RANGAP1: variants seen among roughly 807,000 people sequenced by gnomAD.
The protein encoded by RANGAP1 is ran GTPase-activating protein 1.
Under a neutral mutation model 63.5 loss-of-function variants are expected in RANGAP1, and 38 were observed. The observed-to-expected ratio is 0.60, with a 90% CI of 0.46 to 0.78. The LOEUF (loss-of-function observed/expected upper bound fraction) is 0.78, where lower values mean the gene tolerates loss of function less well. Among genes scored for constraint, RANGAP1 ranks in the 30% least tolerant of loss-of-function variants. The pLI, the probability that RANGAP1 is intolerant of heterozygous loss-of-function variation, is 0.00. For missense variants in RANGAP1, 630 were observed against 740.3 expected, an observed-to-expected ratio of 0.85 and a Z score of 1.73; for synonymous variants, 329 against 310.5, an observed-to-expected ratio of 1.06 and a Z score of -0.63.
At chr22:41,298,293 G>A in the RANGAP1 span, among the ~76,000 whole-genome samples, 3 of 152,090 alleles carry the variant, frequency 2.0e-5, no homozygotes, top group South Asian at 2.1e-4. Flanking sequence ...GAGCCACAGC[G>A]CCTGGCCACA....
chr22:41,265,979 G>T (rs2034444608), intron 4 of RANGAP1, among the ~76,000 whole-genome samples: 1 of 152,098 alleles, frequency 6.6e-6, no homozygotes, highest in South Asian at 2.1e-4. Flanking sequence ...AAGGTGGGCG[G>T]ATCACGAGGT....
chr22:41,278,625 T>C (rs1173434381), intron 2 of RANGAP1, among the ~76,000 whole-genome samples: 3 of 152,270 alleles, frequency 2.0e-5, no homozygotes, highest in Admixed American at 6.5e-5. Flanking sequence ...GTGAAAATCC[T>C]AGCTCTGCTA....
At chr22:41,266,593 G>A (rs1184433104) in intron 4 of RANGAP1, among the ~76,000 whole-genome samples, 1 of 152,170 alleles carries the variant, frequency 6.6e-6, no homozygotes, top group African/African-American at 2.4e-5. Flanking sequence ...CAATGCAATG[G>A]CACAATCTCA....
upstream of RANGAP1, among the ~76,000 whole-genome samples, chr22:41,288,240 C>T (rs139139914): frequency 2.6e-5 from 4 of 152,312 alleles, no homozygotes; most frequent in East Asian, 1.9e-4. Flanking sequence ...TCATGAGTCT[C>T]TCCCTCCTGC....
rs1375962393 is a variant in RANGAP1 at position 41,257,818 on chromosome 22, T to A, written c.774+130A>T. ...GGACATGTTCAAAGAGCTGGAGCCA[T>A]GGGGCACACACCCAGGGGGCAGGCA... On this transcript the variant is annotated intron_variant, in intron 7 of 15. Coordinates refer to ENST00000356244, the MANE Select transcript of RANGAP1 (RefSeq NM_002883.4). This position sits in a 1 kb window ranked among gnomAD's most constrained non-coding sequence, Gnocchi z 4.0. The A allele has an allele frequency of 8.8e-7, 1 of 1,142,090 alleles. No individual in the cohort carries two copies. The highest frequency in any genetic ancestry group is 1.2e-6 in the Non-Finnish European group (1 of 832,876). The allele number at this position is 1,142,090 out of a possible 1,614,324, so 70.7% of individuals were successfully genotyped here. A position where few individuals can be genotyped will look rare whatever the true frequency, so the allele number is the denominator to read the frequency against.
intron 10 of RANGAP1, 21 bp downstream of exon 10, chr22:41,256,000 G>A (rs1479325212): frequency 6.2e-7 from 1 of 1,609,256 alleles, no homozygotes; most frequent in South Asian, 1.1e-5. Flanking sequence ...CCGACCTCTG[G>A]GGCCACCCCG....
upstream of RANGAP1, among the ~76,000 whole-genome samples, chr22:41,290,058 T>C (rs982103344): frequency 1.1e-4 from 16 of 151,464 alleles, no homozygotes; most frequent in Admixed American, 4.6e-4. Context: ...GGAGGATCCT[T>C]GAGCCCAGAA....
At chr22:41,271,754 G>A (rs1189131926) in intron 3 of RANGAP1, among the ~76,000 whole-genome samples, 1 of 151,478 alleles carries the variant, frequency 6.6e-6, no homozygotes, top group Non-Finnish European at 1.5e-5. Flanking sequence ...ACTCCTAGTT[G>A]TGTGACTCTG....
the RANGAP1 span, among the ~76,000 whole-genome samples, chr22:41,292,957 C>G: frequency 2.6e-5 from 4 of 151,020 alleles, no homozygotes; most frequent in Non-Finnish European, 5.9e-5. Context: ...ATTGTCTAGC[C>G]GGGCGCGGTG....
intron 5 of RANGAP1, among the ~76,000 whole-genome samples, chr22:41,262,338 G>A (rs1447862231): frequency 1.3e-5 from 2 of 152,164 alleles, no homozygotes; most frequent in Non-Finnish European, 2.9e-5. Context: ...TCACGAGCGA[G>A]TGCACCGAGA....
chr22:41,293,092 A>G, the RANGAP1 span, among the ~76,000 whole-genome samples: 3 of 151,504 alleles, frequency 2.0e-5, no homozygotes, highest in South Asian at 6.3e-4. Context: ...AAAATTAGCC[A>G]GGCGTGTTGG....
chr22:41,268,235 G>C, intron 3 of RANGAP1, 79 bp from the exon 4 acceptor site: 4 of 1,169,298 alleles, frequency 3.4e-6, no homozygotes, highest in East Asian at 2.6e-5. Flanking sequence ...TGGTGGATTT[G>C]AACTACCAGA....
chr22:41,284,115 C>A (rs1236879814), intron 1 of RANGAP1, among the ~76,000 whole-genome samples: 1 of 151,904 alleles, frequency 6.6e-6, no homozygotes, highest in African/African-American at 2.4e-5. Flanking sequence ...GGCCTGGTGG[C>A]GGGGGCCTGT....
chr22:41,261,140 A>T (rs972934559), intron 6 of RANGAP1, among the ~76,000 whole-genome samples: 6 of 151,946 alleles, frequency 3.9e-5, no homozygotes, highest in Non-Finnish European at 8.8e-5. Flanking sequence ...ATCTCACTTC[A>T]CCACTTCTGA....
At chr22:41,248,346 G>A (rs1404968501) in intron 15 of RANGAP1, among the ~76,000 whole-genome samples, 4 of 152,168 alleles carry the variant, frequency 2.6e-5, no homozygotes, top group Non-Finnish European at 5.9e-5. Flanking sequence ...GGGAAATGCG[G>A]CCAGAAGGTA....
the RANGAP1 span, among the ~76,000 whole-genome samples, chr22:41,292,348 C>A: frequency 1.3e-5 from 2 of 151,538 alleles, no homozygotes; most frequent in Non-Finnish European, 2.9e-5. Flanking sequence ...CGGGGTTTCA[C>A]CCTGTTGGCC....
the RANGAP1 span, among the ~76,000 whole-genome samples, chr22:41,298,774 T>G: frequency 1.3e-5 from 2 of 152,176 alleles, no homozygotes; most frequent in African/African-American, 4.8e-5. Flanking sequence ...GTTGGGATTT[T>G]GGGTGTACCC....
intron 2 of RANGAP1, among the ~76,000 whole-genome samples, chr22:41,279,021 T>C (rs1334519309): frequency 6.6e-6 from 1 of 152,176 alleles, no homozygotes; most frequent in Non-Finnish European, 1.5e-5. Context: ...CGGGCGCCTG[T>C]AGTCCCAGCT....
At chr22:41,283,643 G>C (rs1417682124) in intron 1 of RANGAP1, among the ~76,000 whole-genome samples, 1 of 152,212 alleles carries the variant, frequency 6.6e-6, no homozygotes, top group African/African-American at 2.4e-5. Flanking sequence ...TTCCTGCAAA[G>C]GGAATAGCAA....
Sources: allele counts gnomAD v4.1 joint callset (sites outside exome capture counted in the v4.1 genomes callset), GRCh38; gene constraint gnomAD v4.1.1; non-coding constraint Gnocchi (gnomAD v3.1); transcripts MANE v1.5; gene names NCBI Gene and HGNC (gene_info 2026-07-23, HGNC 2026-07-21).